Variants in CLEC12A observed in about 807,000 individuals in gnomAD.
The protein encoded by CLEC12A is C-type lectin protein CLL-1.
A neutral mutation model predicts 26.5 loss-of-function variants in CLEC12A; 22 were observed. The ratio of observed to expected loss-of-function variants is 0.83; its 90% CI spans 0.59 to 1.19. The LOEUF is 1.19. Among genes scored for constraint, CLEC12A ranks in the 50% most tolerant of loss-of-function variants. CLEC12A has a pLI of 0.00. For synonymous variants in CLEC12A, 119 were observed against 101.9 expected (o/e 1.17, Z -1.01); for missense variants, 353 against 315.6 (o/e 1.12, Z -0.90).
the CLEC12A span, among the ~76,000 whole-genome samples, chr12:10,003,663 C>T: frequency 7.9e-5 from 12 of 152,132 alleles, no homozygotes; most frequent in Admixed American, 2.6e-4. Flanking sequence ...CCTGTAATCC[C>T]AACACGTTGG....
At chr12:10,003,161 C>A in the CLEC12A span, among the ~76,000 whole-genome samples, 1 of 152,160 alleles carries the variant, frequency 6.6e-6, no homozygotes, top group Non-Finnish European at 1.5e-5. Context: ...CTTTGACTTA[C>A]CAGGCTTTCC....
intron 4 of CLEC12A, chr12:9,993,420 A>AGAATCGTTGTTTTTTT: frequency 2.8e-6 from 2 of 704,712 alleles, no homozygotes; most frequent in Non-Finnish European, 4.8e-6. Flanking sequence ...AAAAAAAACG[A>AGAATCGTTGTTTTTTT]TTCTCATTGT....
intron 4 of CLEC12A, among the ~76,000 whole-genome samples, chr12:9,994,679 A>G (rs984497907): frequency 1.3e-4 from 20 of 152,138 alleles, no homozygotes; most frequent in African/African-American, 4.1e-4. Context: ...GACTCCCAGA[A>G]TAGAGGAATA....
At chr12:9,968,088 A>T (rs772655125), upstream of CLEC12A, among the ~76,000 whole-genome samples, 189 of 152,158 alleles carry the variant, frequency 1.2e-3, 2 homozygotes, top group Non-Finnish European at 2.2e-3. Context: ...ATAGTGAGAG[A>T]GGTTGGAGAA....
chr12:9,975,345 G>T (rs1157954678), intron 1 of CLEC12A, among the ~76,000 whole-genome samples: 1 of 152,118 alleles, frequency 6.6e-6, no homozygotes, highest in Non-Finnish European at 1.5e-5. Context: ...GAATGGCTTT[G>T]ACAAAAATGG....
intron 1 of CLEC12A, among the ~76,000 whole-genome samples, chr12:9,954,547 A>G (rs1470943000): frequency 6.6e-6 from 1 of 152,190 alleles, no homozygotes; most frequent in Middle Eastern, 3.2e-3. Flanking sequence ...ATTTTGTTTC[A>G]CAACCTTTAT....
rs1170847789 is a variant in CLEC12A at position 9,971,516 on chromosome 12, C to T, written c.-81C>T. 2.6e-6 allele frequency: 4 copies of T among 1,518,350 alleles called. No individual in the cohort carries two copies. Among genetic ancestry groups the T allele is most frequent in the Non-Finnish European group, 3.5e-6 (4 of 1,138,296 alleles). The allele number at this position is 1,518,350 out of a possible 1,614,324, so 94.1% of individuals were successfully genotyped here. A position where few individuals can be genotyped will look rare whatever the true frequency, so the allele number is the denominator to read the frequency against. The stretch of plus-strand genomic sequence containing the variant: ...TAAACAGAAGTTTAAAATTATAGGT[C>T]CTGTTTAACATTCAGCTCTGTTAAC... On this transcript the variant is annotated 5_prime_UTR_variant, in exon 1 of 6. Coordinates refer to ENST00000304361, the MANE Select transcript of CLEC12A (RefSeq NM_138337.6).
In CLEC12A at chr12:9,964,214, C is replaced by T. The variant is rs572057909; in HGVS notation, c.11-7363C>T. Among the ~76,000 whole-genome samples the T allele has an allele frequency of 3.9e-5, 6 of 152,118 alleles. No individual in the cohort carries two copies. The South Asian group carries it at 1.2e-3, about 32-fold the overall frequency. On this transcript the variant is annotated intron_variant, in intron 1 of 6. Coordinates refer to the CLEC12A transcript ENST00000355690. ...AAATGTCTGGGGAGGTCTAGCTGGACCTGTCTAGAAAGTAAATGAGTTCAT... is the reference window on the plus strand; with the variant it reads ...AAATGTCTGGGGAGGTCTAGCTGGATCTGTCTAGAAAGTAAATGAGTTCAT...
chr12:9,954,974 A>G (rs867500987), intron 1 of CLEC12A, among the ~76,000 whole-genome samples: 6 of 152,366 alleles, frequency 3.9e-5, no homozygotes, highest in South Asian at 4.1e-4. Context: ...CCAGCCAAGA[A>G]CAAAATTATC....
downstream of CLEC12A, among the ~76,000 whole-genome samples, chr12:9,989,547 T>G (rs982248165): frequency 6.6e-6 from 1 of 152,144 alleles, no homozygotes; most frequent in African/African-American, 2.4e-5. Flanking sequence ...AATTCTGTGA[T>G]GGGTGAGAGA....
chr12:10,003,576 T>C, the CLEC12A span, among the ~76,000 whole-genome samples: 1 of 152,134 alleles, frequency 6.6e-6, no homozygotes, highest in Non-Finnish European at 1.5e-5. Flanking sequence ...GGCAAACAAC[T>C]GAATAAAGGT....
downstream of CLEC12A, among the ~76,000 whole-genome samples, chr12:10,000,374 A>G (rs1023135331): frequency 1.3e-5 from 2 of 152,174 alleles, no homozygotes; most frequent in African/African-American, 2.4e-5. Flanking sequence ...TTCTTTCTCT[A>G]TACTCTTCAA....
chr12:9,979,743 G>A (rs371070308), intron 3 of CLEC12A, among the ~76,000 whole-genome samples: 27 of 152,254 alleles, frequency 1.8e-4, no homozygotes, highest in East Asian at 7.7e-4. Flanking sequence ...ATTATCAGGA[G>A]ATAATGGTTA....
chr12:10,003,232 A>G, the CLEC12A span, among the ~76,000 whole-genome samples: 2 of 152,226 alleles, frequency 1.3e-5, no homozygotes, highest in African/African-American at 4.8e-5. Flanking sequence ...GAAAAGTATA[A>G]TTAATATTTT....
intron 4 of CLEC12A, among the ~76,000 whole-genome samples, chr12:9,994,066 A>G (rs1039412334): frequency 6.6e-6 from 1 of 152,052 alleles, no homozygotes; most frequent in African/African-American, 2.4e-5. Context: ...ACAGTGGTGG[A>G]CTGTATGGAT....
chr12:9,962,243 C>T (rs376572686), intron 1 of CLEC12A, among the ~76,000 whole-genome samples: 32 of 147,842 alleles, frequency 2.2e-4, no homozygotes, highest in African/African-American at 6.9e-4. Flanking sequence ...TAATGTATAA[C>T]CGGTTTTTTC....
At chr12:9,986,640 A>C (rs1864774481), downstream of CLEC12A, among the ~76,000 whole-genome samples, 1 of 152,016 alleles carries the variant, frequency 6.6e-6, no homozygotes, top group South Asian at 2.1e-4. Flanking sequence ...GTGAAATCCC[A>C]TTTCTACTAA....
chr12:9,984,450 G>A (rs1565563965), intron 5 of CLEC12A, among the ~76,000 whole-genome samples: 1 of 152,080 alleles, frequency 6.6e-6, no homozygotes. Context: ...AACTTCAGGT[G>A]TCATATATCT....
downstream of CLEC12A, chr12:9,999,137 T>C (rs752684863): frequency 2.8e-6 from 4 of 1,445,862 alleles, no homozygotes; most frequent in South Asian, 2.4e-5. Context: ...CAGAGTTCAA[T>C]GACTTTGCAA....
Sources: allele counts gnomAD v4.1 joint callset (sites outside exome capture counted in the v4.1 genomes callset), GRCh38; gene constraint gnomAD v4.1.1; transcripts MANE v1.5; gene names NCBI Gene and HGNC (gene_info 2026-07-23, HGNC 2026-07-21).